The following LRFN5 variants were observed in gnomAD, a reference collection of about 807,000 sequenced individuals.
The protein encoded by LRFN5 is leucine rich repeat and fibronectin type III domain containing 5.
A neutral mutation model predicts 45.6 loss-of-function variants in LRFN5; 24 were observed. That is an observed-to-expected ratio of 0.53 (90% CI 0.38 to 0.74). The LOEUF (loss-of-function observed/expected upper bound fraction) is 0.74, where lower values mean the gene tolerates loss of function less well. LRFN5 is among the 30% of genes least tolerant of loss of function. The pLI is 0.00. For synonymous variants in LRFN5, 340 were observed against 313.8 expected (o/e 1.08, Z -0.88); for missense variants, 776 against 861.5 (o/e 0.90, Z 1.24).
At chr14:41,674,451 G>T (rs1881474986) in intron 1 of LRFN5, among the ~76,000 whole-genome samples, 2 of 138,944 alleles carry the variant, frequency 1.4e-5, no homozygotes, top group African/African-American at 2.7e-5. Flanking sequence ...AGTAGGGGCG[G>T]CCGGGCAGAG....
At chr14:41,760,747 G>C (rs1211476294) in intron 1 of LRFN5, among the ~76,000 whole-genome samples, 1 of 151,676 alleles carries the variant, frequency 6.6e-6, no homozygotes, top group Non-Finnish European at 1.5e-5. Context: ...GAGGAAACAG[G>C]GAGGGACGGG....
intron 1 of LRFN5, among the ~76,000 whole-genome samples, chr14:41,679,689 T>A (rs1019029292): frequency 1.3e-5 from 2 of 151,818 alleles, no homozygotes; most frequent in African/African-American, 4.8e-5. Flanking sequence ...TTCCCAGCGG[T>A]GGTAGCTATG....
chr14:41,679,402 C>T (rs971860120), intron 1 of LRFN5, among the ~76,000 whole-genome samples: 11 of 152,020 alleles, frequency 7.2e-5, no homozygotes, highest in Non-Finnish European at 2.9e-5. Context: ...TGTCTTGAAA[C>T]CTGTATACCG....
At chr14:41,672,514 T>C (rs1881283532) in intron 1 of LRFN5, among the ~76,000 whole-genome samples, 2 of 152,204 alleles carry the variant, frequency 1.3e-5, no homozygotes, top group Non-Finnish European at 2.9e-5. Context: ...TTATTTGATT[T>C]CATCTAATGT....
intron 1 of LRFN5, among the ~76,000 whole-genome samples, chr14:41,624,416 A>G (rs954581702): frequency 1.3e-5 from 2 of 152,136 alleles, no homozygotes; most frequent in Non-Finnish European, 2.9e-5. Flanking sequence ...TGCCTCTTCA[A>G]ATAATTCTTT....
intron 2 of LRFN5, among the ~76,000 whole-genome samples, chr14:41,793,596 C>T (rs913513785): frequency 2.0e-5 from 3 of 151,904 alleles, no homozygotes; most frequent in African/African-American, 7.3e-5. Context: ...CCAACTGGGA[C>T]GTTTCAGCTG....
intron 1 of LRFN5, among the ~76,000 whole-genome samples, chr14:41,636,414 G>T (rs1879309794): frequency 6.6e-6 from 1 of 151,954 alleles, no homozygotes; most frequent in African/African-American, 2.4e-5. Flanking sequence ...TCAAGCTCTT[G>T]GTCTGAAAGA....
At chr14:41,644,311 A>T (rs1879712915) in intron 1 of LRFN5, among the ~76,000 whole-genome samples, 1 of 152,240 alleles carries the variant, frequency 6.6e-6, no homozygotes, top group Non-Finnish European at 1.5e-5. Context: ...CAAGAGTTAT[A>T]AATTGGTCGT....
chr14:41,655,455 G>A (rs1268639385), intron 1 of LRFN5, among the ~76,000 whole-genome samples: 2 of 152,108 alleles, frequency 1.3e-5, no homozygotes, highest in African/African-American at 2.4e-5. Flanking sequence ...CTAGATTAGT[G>A]GAGCTAGACC....
intron 1 of LRFN5, among the ~76,000 whole-genome samples, chr14:41,615,222 C>G (rs1353486980): frequency 6.6e-6 from 1 of 152,012 alleles, no homozygotes; most frequent in African/African-American, 2.4e-5. Context: ...CAAATCACTC[C>G]AACTAAAATA....
chr14:41,690,317 G>A (rs1167893460), intron 1 of LRFN5, among the ~76,000 whole-genome samples: 3 of 152,188 alleles, frequency 2.0e-5, no homozygotes, highest in African/African-American at 7.2e-5. Context: ...ACTTTGGGAC[G>A]CCAAGATGGG....
intron 1 of LRFN5, among the ~76,000 whole-genome samples, chr14:41,721,277 T>A (rs1246100267): frequency 6.6e-6 from 1 of 152,136 alleles, no homozygotes; most frequent in Non-Finnish European, 1.5e-5. Context: ...GTGTGTGAGA[T>A]GGGTTTCTTA....
intron 2 of LRFN5, among the ~76,000 whole-genome samples, chr14:41,834,980 T>G (rs1040855391): frequency 1.3e-5 from 2 of 150,392 alleles, no homozygotes; most frequent in Non-Finnish European, 3.0e-5. Flanking sequence ...GACATTTGAA[T>G]GTTAGTCTCC....
At chr14:41,897,086 G>A (rs1310662581) in intron 4 of LRFN5, among the ~76,000 whole-genome samples, 1 of 146,720 alleles carries the variant, frequency 6.8e-6, no homozygotes, top group African/African-American at 2.5e-5. Flanking sequence ...GTGAGACTCT[G>A]TCAAAATAAA....
chr14:41,803,626 GA>G (rs199547184), intron 2 of LRFN5, among the ~76,000 whole-genome samples: 2,030 of 152,068 alleles, frequency 0.013, 18 homozygotes, highest in Non-Finnish European at 0.018. Flanking sequence ...GGATTACAGG[GA>G]TGAGCCACCA....
At chr14:41,703,806 T>C (rs1882936192) in intron 1 of LRFN5, among the ~76,000 whole-genome samples, 1 of 152,182 alleles carries the variant, frequency 6.6e-6, no homozygotes, top group South Asian at 2.1e-4. Context: ...ATCAGCATTA[T>C]TGTAACAATT....
At position 41,891,540 on chromosome 14, in the gene LRFN5, G is replaced by A. The variant is rs1890780456; in HGVS notation, c.1676G>A (p.Gly559Glu). ...MIRYKVCNNN[G>E]QHKVTKVSNV... ...CGGTATAAGGTTTGCAACAATAATG[G>A]GCAACACAAGGTCACCAAGGTTAGC... Residue 559 changes from glycine to glutamate, a missense_variant, in exon 4 of 6, where the codon GGG (glycine) becomes GAG (glutamate). Around this residue, in one of 2 missense-constraint regions of LRFN5, gnomAD observed 465 missense variants for 456.4 expected, o/e 1.02. Coordinates refer to ENST00000298119, the MANE Select transcript of LRFN5 (RefSeq NM_152447.5). 1.9e-6 allele frequency: 3 copies of A among 1,613,950 alleles called. No homozygotes were observed. The highest frequency in any genetic ancestry group is 1.3e-5 in the African/African-American group (1 of 74,872).
intron 2 of LRFN5, among the ~76,000 whole-genome samples, chr14:41,837,089 T>C (rs994167436): frequency 6.7e-6 from 1 of 149,122 alleles, no homozygotes; most frequent in Non-Finnish European, 1.5e-5. Flanking sequence ...CTCTAGAGAA[T>C]TGGAAGGTGA....
intron 1 of LRFN5, among the ~76,000 whole-genome samples, chr14:41,727,501 G>A (rs11624410): frequency 0.27 from 41,185 of 151,934 alleles, 5,953 homozygotes; most frequent in South Asian, 0.42. Flanking sequence ...TGGCACACTT[G>A]TGTAGTTCTA....
Sources: allele counts gnomAD v4.1 joint callset (sites outside exome capture counted in the v4.1 genomes callset), GRCh38; gene constraint gnomAD v4.1.1; regional missense constraint gnomAD v4.1.1; transcripts MANE v1.5; gene names NCBI Gene and HGNC (gene_info 2026-07-23, HGNC 2026-07-21).